UBXN11: variants seen among roughly 807,000 people sequenced by gnomAD.
UBXN11 encodes the protein UBX domain protein 11.
In UBXN11, 47 loss-of-function variants were observed where a neutral mutation model predicts 62.8. The observed-to-expected ratio is 0.75, with a 90% CI of 0.59 to 0.95. The LOEUF is 0.95. Among genes scored for constraint, UBXN11 ranks in the 40% least tolerant of loss-of-function variants. UBXN11 has a pLI of 0.00. For missense variants in UBXN11, 638 were observed against 661.7 expected, an observed-to-expected ratio of 0.96 and a Z score of 0.39; for synonymous variants, 294 against 267.0, an observed-to-expected ratio of 1.10 and a Z score of -0.99.
chr1:26,287,982 A>G (rs1196652284), intron 8 of UBXN11, among the ~76,000 whole-genome samples: 2 of 151,374 alleles, frequency 1.3e-5, no homozygotes, highest in Non-Finnish European at 2.9e-5. Context: ...ATGATACTGC[A>G]ACCGTGACCT....
rs150635679 is a variant in UBXN11 at position 26,289,911 on chromosome 1, C to T, written c.560-3874G>A. On this transcript the variant is annotated intron_variant, in intron 8 of 14. Transcript: ENST00000374222. ...TACCACACACCTGCAAGCCAGGCCCCGCTCTGGGGACTTTACTGCAGTCAC... is the reference window on the plus strand; with the variant it reads ...TACCACACACCTGCAAGCCAGGCCCTGCTCTGGGGACTTTACTGCAGTCAC... Among the ~76,000 whole-genome samples, 291 of 152,358 alleles carry T rather than the reference C, an allele frequency of 1.9e-3. 2 individuals are homozygous for T. The highest frequency in any genetic ancestry group is 6.6e-3 in the African/African-American group (276 of 41,588).
At chr1:26,314,606 G>C (rs1032500665) in intron 1 of UBXN11, among the ~76,000 whole-genome samples, 1 of 152,180 alleles carries the variant, frequency 6.6e-6, no homozygotes, top group African/African-American at 2.4e-5. Flanking sequence ...AGGCTCGGAG[G>C]TGGGAATAGA....
At chr1:26,304,931 C>T (rs960494518) in intron 1 of UBXN11, among the ~76,000 whole-genome samples, 1 of 151,762 alleles carries the variant, frequency 6.6e-6, no homozygotes, top group Non-Finnish European at 1.5e-5. Flanking sequence ...ACGGTCTCCC[C>T]ACTCCTACCT....
At chr1:26,282,983 G>A in intron 12 of UBXN11, 46 bp from the exon 13 acceptor site, 1 of 1,612,604 alleles carries the variant, frequency 6.2e-7, no homozygotes, top group African/African-American at 1.3e-5. Context: ...GGCCCCATTT[G>A]AGTCATCCCC....
intron 8 of UBXN11, among the ~76,000 whole-genome samples, chr1:26,292,376 G>C (rs1242328652): frequency 6.6e-6 from 1 of 152,068 alleles, no homozygotes; most frequent in Admixed American, 6.5e-5. Flanking sequence ...AAAATCAGCT[G>C]GGTGTGGTGG....
At chr1:26,312,740 G>A (rs1273262562) in intron 1 of UBXN11, among the ~76,000 whole-genome samples, 2 of 150,768 alleles carry the variant, frequency 1.3e-5, no homozygotes, top group Non-Finnish European at 3.0e-5. Context: ...CACTTTGGGA[G>A]GCCGAGGTGG....
chr1:26,296,987 T>A lies in UBXN11; in HGVS notation c.364A>T (p.Thr122Ser), dbSNP rs201109849. The change falls in exon 7 of 15, where the codon ACC becomes TCC. Residue 122 changes from threonine to serine, a missense_variant. Physicochemically the swap from Thr to Ser is moderately conservative, Grantham distance 58 (BLOSUM62 1). Transcript: ENST00000374222. ...TCCAGTTCCTCCTGCCGCTGCAGGG[T>A]TGCCTCGGCTTCAGGGAAAGACAGG... ...QTLRPHPAEA[T>S]LQRQEELETM... The A allele has an allele frequency of 2.4e-5, 38 of 1,602,094 alleles. No homozygotes were observed. In the African/African-American group the frequency reaches 3.9e-4, roughly 16 times the overall value.
intron 4 of UBXN11, among the ~76,000 whole-genome samples, chr1:26,298,780 G>GA (rs11368453): frequency 0.23 from 14,123 of 61,576 alleles, 1,421 homozygotes; most frequent in African/African-American, 0.32. Context: ...CTCTGTCTCA[G>GA]AAAAAAAAAA....
intron 9 of UBXN11, 90 bp downstream of exon 9, chr1:26,285,733 C>G: frequency 6.7e-7 from 1 of 1,485,056 alleles, no homozygotes; most frequent in South Asian, 1.3e-5. Context: ...GGAGGGCAGG[C>G]TGGGCCTGGG....
In UBXN11 at chr1:26,297,835, C is replaced by T. The variant is rs986090412; in HGVS notation, c.300+127G>A. The T allele has an allele frequency of 7.3e-6, 8 of 1,088,646 alleles. No individual in the cohort carries two copies. In the East Asian group the frequency reaches 2.1e-4, roughly 28 times the overall value. The allele number at this position is 1,088,646 out of a possible 1,614,324, so 67.4% of individuals were successfully genotyped here. The stretch of plus-strand genomic sequence containing the variant: ...TCAGGCCCAGGCCACACCTGGTCCT[C>T]GAACTGGGCAGGTCAGTGTGGTAGA... On this transcript the variant is annotated intron_variant, in intron 5 of 14. Transcript: ENST00000374222.
chr1:26,300,770 T>C (rs147790713), intron 4 of UBXN11, among the ~76,000 whole-genome samples, 156 bp downstream of exon 4: 8 of 152,326 alleles, frequency 5.3e-5, no homozygotes, highest in East Asian at 1.9e-4. Context: ...TGTGGCTTTA[T>C]GCCAAGCCAG....
chr1:26,285,936 C>G lies in UBXN11; in HGVS notation c.661G>C (p.Val221Leu). Residue 221 changes from valine to leucine, a missense_variant, in exon 9 of 15, where the codon GTG becomes CTG. Transcript: ENST00000374222. ...GTACGCAGCCGTGCCCCGCCGGGCA[C>G]TGGTGTCACTTGGGTGTCACCCTCT... The part of the protein sequence containing the change: ...VVEGDTQVTP[V>L]PGGARLRTLE... 6.2e-7 allele frequency: 1 copy of G among 1,613,656 alleles called. No individual in the cohort carries two copies. Among genetic ancestry groups the G allele is most frequent in the Non-Finnish European group, 8.5e-7 (1 of 1,179,656 alleles).
chr1:26,293,242 G>C (rs1472078622), intron 8 of UBXN11, among the ~76,000 whole-genome samples: 3 of 152,180 alleles, frequency 2.0e-5, no homozygotes, highest in African/African-American at 7.2e-5. Context: ...CTTGGGATAG[G>C]AGGTAGAGTC....
At position 26,282,428 on chromosome 1, in the gene UBXN11, G is replaced by T; in HGVS notation, c.1434C>A (p.Ser478Arg). ...LLRARRAPKS[S>R]LKFSPGPCPG... ...GACAGGGACCAGGACTGAATTTCAG[G>T]CTGGACTTCGGGGCTCGGCGTGCCC... The change falls in exon 15 of 15, where the codon AGC becomes AGA. Residue 478 changes from serine to arginine, a missense_variant. Physicochemically the swap from Ser to Arg is moderately radical, Grantham distance 110 (BLOSUM62 -1). Transcript: ENST00000374222. 1.3e-6 allele frequency: 2 copies of T among 1,596,672 alleles called. No individual in the cohort carries two copies.
chr1:26,311,001 T>G (rs553440223), upstream of UBXN11, among the ~76,000 whole-genome samples: 174 of 152,268 alleles, frequency 1.1e-3, 1 homozygote, highest in African/African-American at 4.1e-3. Context: ...TGGTGGATAT[T>G]CAGTCTGATG....
At chr1:26,285,180 A>C (rs1459716564) in intron 10 of UBXN11, 1 of 1,217,684 alleles carries the variant, frequency 8.2e-7, no homozygotes, top group Non-Finnish European at 1.0e-6. Context: ...CAGGGACCCC[A>C]GGTTGTCAAG....
At chr1:26,289,433 C>T (rs1311121250) in intron 8 of UBXN11, among the ~76,000 whole-genome samples, 3 of 152,002 alleles carry the variant, frequency 2.0e-5, no homozygotes, top group African/African-American at 4.8e-5. Flanking sequence ...CCTTGGCCCT[C>T]GTCACAGGCC....
chr1:26,316,085 A>G (rs898261813), intron 1 of UBXN11, among the ~76,000 whole-genome samples: 1 of 147,566 alleles, frequency 6.8e-6, no homozygotes, highest in Non-Finnish European at 1.5e-5. Context: ...TCAGCCCCCA[A>G]GTAGCTGAGA....
At chr1:26,287,272 T>A (rs530870528) in intron 8 of UBXN11, among the ~76,000 whole-genome samples, 1 of 135,958 alleles carries the variant, frequency 7.4e-6, no homozygotes, top group Admixed American at 7.6e-5. Flanking sequence ...CACAGACCCC[T>A]TTGAGAAGCT....
Sources: gnomAD v4.1 joint callset for allele counts (sites outside exome capture counted in the v4.1 genomes callset) on GRCh38, gnomAD v4.1.1 for gene constraint, MANE v1.5 for transcripts, NCBI Gene and HGNC (gene_info 2026-07-23, HGNC 2026-07-21) for gene names.